The following ENOX1 variants were observed in gnomAD, a reference collection of about 807,000 sequenced individuals.
The protein encoded by ENOX1 is ecto-NOX disulfide-thiol exchanger 1, also known as candidate growth-related and time keeping constitutive hydroquinone (NADH) oxidase.
Under a neutral mutation model 82.5 loss-of-function variants are expected in ENOX1, and 42 were observed. The observed-to-expected ratio is 0.51, with a 90% CI of 0.40 to 0.66. The LOEUF (loss-of-function observed/expected upper bound fraction) is 0.66. ENOX1 is among the 30% of genes least tolerant of loss of function. The pLI is 0.00. For missense variants in ENOX1, 608 were observed against 811.6 expected (o/e 0.75, Z 3.05); for synonymous variants, 271 against 282.2 (o/e 0.96, Z 0.40).
intron 1 of ENOX1, among the ~76,000 whole-genome samples, chr13:43,729,698 A>G (rs180777001): frequency 6.6e-6 from 1 of 152,348 alleles, no homozygotes; most frequent in African/African-American, 2.4e-5. Flanking sequence ...AAGTTAATAT[A>G]TTAAAGGAAA....
At chr13:43,630,835 C>CCA (rs139634908) in intron 2 of ENOX1, among the ~76,000 whole-genome samples, 13,487 of 134,214 alleles carry the variant, frequency 0.1, 712 homozygotes, top group East Asian at 0.28. Context: ...ATACATACAA[C>CCA]CACACACACA....
At chr13:43,290,744 A>C (rs886114730) in intron 12 of ENOX1, among the ~76,000 whole-genome samples, 1 of 152,184 alleles carries the variant, frequency 6.6e-6, no homozygotes, top group African/African-American at 2.4e-5. Context: ...ATAGAAGTTG[A>C]GGCTGGGTGC....
chr13:43,663,397 A>C (rs1307076064), intron 2 of ENOX1, among the ~76,000 whole-genome samples: 1 of 152,102 alleles, frequency 6.6e-6, no homozygotes. Flanking sequence ...CTGCCCCCTC[A>C]TACCACTCTG....
In ENOX1 at chr13:43,361,159, C is replaced by T. The variant is rs74769809; in HGVS notation, c.382+120G>A. 4.0e-4 allele frequency: 413 copies of T among 1,020,324 alleles called. 2 individuals are homozygous for T. The African/African-American group carries it at 5.2e-3, about 13-fold the overall frequency. 63.2% of individuals were successfully genotyped at this position (1,020,324 alleles called of 1,614,324 possible). A position where few individuals can be genotyped will look rare whatever the true frequency, so the allele number is the denominator to read the frequency against. On this transcript the variant is annotated intron_variant, in intron 6 of 16. Coordinates refer to ENST00000690772, the MANE Select transcript of ENOX1 (RefSeq NM_001347969.2). ...TAGAGACAAAAGGCCTTCTGTAGAA[C>T]GGATCCCCACTCTGTGCATTTACGT...
At chr13:43,359,754 G>A (rs1295082492) in intron 7 of ENOX1, 97 bp downstream of exon 7, 4 of 1,174,668 alleles carry the variant, frequency 3.4e-6, no homozygotes, top group Non-Finnish European at 2.5e-6. Context: ...AAACTATGAA[G>A]ACTTTATTTT....
chr13:43,633,245 C>T (rs2083288040), intron 2 of ENOX1, among the ~76,000 whole-genome samples: 1 of 152,038 alleles, frequency 6.6e-6, no homozygotes, highest in African/African-American at 2.4e-5. Flanking sequence ...TGATAATGTT[C>T]AATGTTGATA....
chr13:43,232,093 C>CTTTT lies in ENOX1; in HGVS notation c.1714+4539_1714+4542dup, dbSNP rs33932346. 7.8e-3 allele frequency among the ~76,000 whole-genome samples: 849 copies of CTTTT among 109,516 alleles called. 23 individuals are homozygous for CTTTT. Among genetic ancestry groups the CTTTT allele is most frequent in the Non-Finnish European group, 0.012 (686 of 57,876 alleles). 71.8% of individuals were successfully genotyped at this position (109,516 alleles called of 152,430 possible). A position where few individuals can be genotyped will look rare whatever the true frequency, so the allele number is the denominator to read the frequency against. On this transcript the variant is annotated intron_variant, in intron 15 of 16. Transcript: ENST00000690772. The stretch of plus-strand genomic sequence containing the variant: ...GGTGCATGCCACCATGCCCAGCTAA[C>CTTTT]TTTTTTTTTTTTTTTTTTTTGTAGA...
Position 43,572,109 on chromosome 13 carries a change from A to G in ENOX1, c.-218-87957T>C, listed in dbSNP as rs140604798. ...TAAACAAAAATATATATATACACAT[A>G]CATATACATTATAATACATAGAGAT... On this transcript the variant is annotated intron_variant, in intron 2 of 16. Coordinates refer to ENST00000690772, the MANE Select transcript of ENOX1 (RefSeq NM_001347969.2). Among the ~76,000 whole-genome samples, 1,005 of 152,310 alleles carry G rather than the reference A, an allele frequency of 6.6e-3. 33 individuals carry two copies. Among genetic ancestry groups the G allele is most frequent in the Admixed American group, 0.06 (910 of 15,288 alleles).
chr13:43,448,627 C>A (rs1213241237), intron 3 of ENOX1, among the ~76,000 whole-genome samples: 6 of 152,082 alleles, frequency 3.9e-5, no homozygotes, highest in Admixed American at 2.0e-4. Context: ...TTTTCTCCCC[C>A]TTTTTTGCCT....
chr13:43,603,851 T>G lies in ENOX1; in HGVS notation c.-219+63628A>C, dbSNP rs1386615319. 1.5e-4 allele frequency among the ~76,000 whole-genome samples: 16 copies of G among 109,032 alleles called. 1 individual carries two copies. The highest frequency in any genetic ancestry group is 2.1e-4 in the Non-Finnish European group (12 of 57,468). 71.5% of individuals were successfully genotyped at this position (109,032 alleles called of 152,430 possible). A position where few individuals can be genotyped will look rare whatever the true frequency, so the allele number is the denominator to read the frequency against. ...TGAATAATGCTGCAATAAACATTCGTGTGCATGTGTCTTTATAGCAGCATG... is the reference window on the plus strand; with the variant it reads ...TGAATAATGCTGCAATAAACATTCGGGTGCATGTGTCTTTATAGCAGCATG... On this transcript the variant is annotated intron_variant, in intron 2 of 16. Transcript: ENST00000690772.
chr13:43,700,234 ACTT>A (rs2086842774), intron 1 of ENOX1, among the ~76,000 whole-genome samples: 1 of 152,132 alleles, frequency 6.6e-6, no homozygotes, highest in South Asian at 2.1e-4. Context: ...GGAAAATAAA[ACTT>A]CTTTTGAGTT....
At chr13:43,423,838 CTG>C (rs1222401319) in intron 3 of ENOX1, among the ~76,000 whole-genome samples, 2 of 152,160 alleles carry the variant, frequency 1.3e-5, no homozygotes, top group Non-Finnish European at 2.9e-5. Context: ...CAAATTTTTT[CTG>C]TGTTTGCACT....
At chr13:43,227,586 A>G (rs1279566630) in intron 15 of ENOX1, among the ~76,000 whole-genome samples, 1 of 152,210 alleles carries the variant, frequency 6.6e-6, no homozygotes, top group African/African-American at 2.4e-5. Context: ...ATGGATTTAG[A>G]AGGATGGAGT....
chr13:43,311,688 C>G (rs1450847735), intron 11 of ENOX1, among the ~76,000 whole-genome samples: 2 of 152,282 alleles, frequency 1.3e-5, no homozygotes, highest in East Asian at 3.9e-4. Flanking sequence ...CCTTTCAGAT[C>G]CAAGTCAGTG....
At chr13:43,470,380 ATATATACG>A (rs2058006317) in intron 3 of ENOX1, among the ~76,000 whole-genome samples, 1 of 31,054 alleles carries the variant, frequency 3.2e-5, no homozygotes, top group Admixed American at 2.5e-4. Flanking sequence ...ATATATACAT[ATATATACG>A]TATATATATG....
At chr13:43,420,881 T>C (rs1369195824) in intron 3 of ENOX1, among the ~76,000 whole-genome samples, 1 of 152,160 alleles carries the variant, frequency 6.6e-6, no homozygotes. Flanking sequence ...TGATAACGCA[T>C]GATAAAGACT....
intron 2 of ENOX1, among the ~76,000 whole-genome samples, chr13:43,656,098 T>C (rs2084419504): frequency 6.6e-6 from 1 of 152,234 alleles, no homozygotes; most frequent in African/African-American, 2.4e-5. Context: ...CATATAAACT[T>C]ATCCAGCAAG....
intron 16 of ENOX1, among the ~76,000 whole-genome samples, chr13:43,216,621 C>T (rs1220764087): frequency 6.6e-6 from 1 of 152,082 alleles, no homozygotes; most frequent in Non-Finnish European, 1.5e-5. Flanking sequence ...AGTCTCCAGT[C>T]AAATTCAAGT....
At chr13:43,312,659 T>C (rs9567146) in intron 11 of ENOX1, among the ~76,000 whole-genome samples, 145,195 of 152,284 alleles carry the variant, frequency 0.95, 69,635 homozygotes, top group East Asian at 1. Context: ...CAAAGCATTT[T>C]CTTTTCTTCT....
Sources: allele counts gnomAD v4.1 joint callset (sites outside exome capture counted in the v4.1 genomes callset), GRCh38; gene constraint gnomAD v4.1.1; transcripts MANE v1.5; gene names NCBI Gene and HGNC (gene_info 2026-07-23, HGNC 2026-07-21).